Variants in TMEM81 observed in about 807,000 individuals in gnomAD.
TMEM81 encodes the protein transmembrane protein 81.
For synonymous variants in TMEM81, 132 were observed against 119.1 expected (o/e 1.11, Z -0.71); for missense variants, 294 against 300.5 (o/e 0.98, Z 0.16).
In TMEM81 at chr1:205,083,512, G is replaced by A; in HGVS notation, c.*41C>T. On this transcript the variant is annotated 3_prime_UTR_variant, in exon 1 of 1. Transcript: ENST00000367167. Reference sequence around the variant, plus strand: ...AAAAGCTAGCTTGGCTTCCTGGGCAGCCAGTTCTTCAGGAGCAAGGCTGTT... The same window carrying A: ...AAAAGCTAGCTTGGCTTCCTGGGCAACCAGTTCTTCAGGAGCAAGGCTGTT... The A allele has an allele frequency of 6.5e-7, 1 of 1,550,198 alleles. No homozygotes were observed. Among genetic ancestry groups the A allele is most frequent in the East Asian group, 2.3e-5 (1 of 44,312 alleles).
chr1:205,084,048 A>G lies in TMEM81; in HGVS notation c.273T>C (p.His91=). ...CLTNWICGML[H]FTILIGKEFE... is the part of the protein sequence containing the mutation. The stretch of plus-strand genomic sequence containing the variant: ...ATTCCTTGCCAATGAGAATGGTGAA[A>G]TGGAGCATCCCACAGATCCAGTTGG... Residue 91 remains histidine, a synonymous_variant, in exon 1 of 1, where the codon CAT becomes CAC. Coordinates refer to ENST00000367167, the MANE Select transcript of TMEM81 (RefSeq NM_203376.2). 6.2e-7 allele frequency: 1 copy of G among 1,614,210 alleles called. No individual in the cohort carries two copies. The highest frequency in any genetic ancestry group is 1.7e-5 in the Admixed American group (1 of 60,020).
chr1:205,083,874 ATATT>A lies in TMEM81; in HGVS notation c.443_446del (p.Lys148MetfsTer17). The A allele has an allele frequency of 1.9e-6, 3 of 1,614,222 alleles. No individual in the cohort carries two copies. The highest frequency in any genetic ancestry group is 2.5e-6 in the Non-Finnish European group (3 of 1,180,044). On this transcript the variant is annotated frameshift_variant, in exon 1 of 1. Coordinates refer to ENST00000367167, the MANE Select transcript of TMEM81 (RefSeq NM_203376.2). LOFTEE classifies it low-confidence loss of function (END_TRUNC). ...ATGTCCCAGAGTCATACTCCTGAGC[ATATT>A]TAAACTTCACAAAGTGGGAGTTGGC...
rs1458373798 is a variant in TMEM81, at chr1:205,083,353, T to C, written c.*200A>G. 7.1e-6 allele frequency: 4 copies of C among 563,448 alleles called. No individual in the cohort carries two copies. In the East Asian group the frequency reaches 8.8e-5, roughly 12 times the overall value. 34.9% of individuals were successfully genotyped at this position (563,448 alleles called of 1,614,324 possible). A position where few individuals can be genotyped will look rare whatever the true frequency, so the allele number is the denominator to read the frequency against. On this transcript the variant is annotated 3_prime_UTR_variant, in exon 1 of 1. Transcript: ENST00000367167. ...GCAGGGAAGATCAGGAAGAGATCCA[T>C]GGGACATAAGGAAGTTAGGTTACTG...
Position 205,084,285 on chromosome 1 carries a change from G to T in TMEM81, c.36C>A (p.Ser12Arg). The T allele has an allele frequency of 1.2e-6, 2 of 1,613,932 alleles. No homozygotes were observed. Among genetic ancestry groups the T allele is most frequent in the East Asian group, 2.2e-5 (1 of 44,862 alleles). Residue 12 changes from serine to arginine, a missense_variant, in exon 1 of 1, where the codon AGC (serine) becomes AGA (arginine). By Grantham distance (110) the Ser-to-Arg change is moderately radical. Transcript: ENST00000367167. ...AAGGCAGGTAGAAGGCCAACCCCAG[G>T]CTCCCAAGGACAAAACTAGTGGCTA... ...KVLATSFVLGSLGLAFYLPLV... is the reference protein window; with the variant it reads ...KVLATSFVLGRLGLAFYLPLV...
At position 205,083,378 on chromosome 1, in the gene TMEM81, GC is replaced by G. The variant is rs1655057590; in HGVS notation, c.*174del. On this transcript the variant is annotated 3_prime_UTR_variant, in exon 1 of 1. Coordinates refer to ENST00000367167, the MANE Select transcript of TMEM81 (RefSeq NM_203376.2). ...TGGGACATAAGGAAGTTAGGTTACT[GC>G]GCATAGCTCCCAGGAGATTGTCCCC... is the stretch of plus-strand genomic sequence containing the variant. The G allele has an allele frequency of 2.2e-5, 15 of 684,058 alleles. No homozygotes were observed. Among genetic ancestry groups the G allele is most frequent in the Non-Finnish European group, 3.3e-5 (14 of 425,178 alleles). The allele number at this position is 684,058 out of a possible 1,614,324, so 42.4% of individuals were successfully genotyped here.
At position 205,083,393 on chromosome 1, in the gene TMEM81, G is replaced by A; in HGVS notation, c.*160C>T. 1.3e-6 allele frequency: 1 copy of A among 777,116 alleles called. No homozygotes were observed. Among genetic ancestry groups the A allele is most frequent in the Non-Finnish European group, 2.0e-6 (1 of 501,108 alleles). The allele number at this position is 777,116 out of a possible 1,614,324, so 48.1% of individuals were successfully genotyped here. On this transcript the variant is annotated 3_prime_UTR_variant, in exon 1 of 1. Coordinates refer to ENST00000367167, the MANE Select transcript of TMEM81 (RefSeq NM_203376.2). ...TTAGGTTACTGCGCATAGCTCCCAG[G>A]AGATTGTCCCCTCCATTTCTCCCAC...
At position 205,083,993 on chromosome 1, in the gene TMEM81, AGAT is replaced by A; in HGVS notation, c.325_327del (p.Ile109del). ...CGGAAAGCTTCCTGTCCAAACTCCA[AGAT>A]GTCTGAACTCAGACAGCTAAGCTCA... On this transcript the variant is annotated inframe_deletion, in exon 1 of 1. Transcript: ENST00000367167. 6.2e-7 allele frequency: 1 copy of A among 1,614,206 alleles called. No homozygotes were observed. Among genetic ancestry groups the A allele is most frequent in the Non-Finnish European group, 8.5e-7 (1 of 1,180,032 alleles).
At position 205,083,590 on chromosome 1, in the gene TMEM81, A is replaced by G. The variant is rs771134021; in HGVS notation, c.731T>C (p.Ile244Thr). ...IGVVGGVLVR[I>T]VLCALRGGLQ... Reference sequence around the variant, plus strand: ...GCCCCCCCTTAGCGCACAGAGGACAATCCTCACCAACACGCCACCAACCAC... The same window carrying G: ...GCCCCCCCTTAGCGCACAGAGGACAGTCCTCACCAACACGCCACCAACCAC... Residue 244 changes from isoleucine to threonine, a missense_variant, in exon 1 of 1, where the codon ATT becomes ACT. By Grantham distance (89) the Ile-to-Thr change is moderately conservative. Coordinates refer to ENST00000367167, the MANE Select transcript of TMEM81 (RefSeq NM_203376.2). The G allele has an allele frequency of 6.2e-7, 1 of 1,613,926 alleles. No homozygotes were observed. Among genetic ancestry groups the G allele is most frequent in the Non-Finnish European group, 8.5e-7 (1 of 1,179,916 alleles).
At position 205,083,793 on chromosome 1, in the gene TMEM81, A is replaced by C. The variant is rs775848127; in HGVS notation, c.528T>G (p.Phe176Leu). ...KNLRLVKRLY[F>L]GLRVLPPNLV... ...AGTTAGGAGGAAGGACCCTCAACCC[A>C]AAATAGAGCCTCTTGACGAGTCTCA... The change falls in exon 1 of 1, where the codon TTT (phenylalanine) becomes TTG (leucine). Residue 176 changes from phenylalanine to leucine, a missense_variant. By Grantham distance (22) the Phe-to-Leu change is conservative. Transcript: ENST00000367167. 1.2e-6 allele frequency: 2 copies of C among 1,614,230 alleles called. No homozygotes were observed. The highest frequency in any genetic ancestry group is 1.1e-5 in the South Asian group (1 of 91,088).
Position 205,083,859 on chromosome 1 carries a change from G to A in TMEM81, c.462C>T (p.Asp154=), listed in dbSNP as rs1352601403. Residue 154 remains aspartate (D), a synonymous_variant, in exon 1 of 1, where the codon GAC becomes GAT. Transcript: ENST00000367167. ...GCACATCACAGCGATATGTCCCAGAGTCATACTCCTGAGCATATTTAAACT... is the reference window on the plus strand; with the variant it reads ...GCACATCACAGCGATATGTCCCAGAATCATACTCCTGAGCATATTTAAACT... The part of the protein sequence containing the change: ...FVKFKYAQEY[D]SGTYRCDVQL... 6.2e-7 allele frequency: 1 copy of A among 1,614,110 alleles called. No individual in the cohort carries two copies. Among genetic ancestry groups the A allele is most frequent in the Non-Finnish European group, 8.5e-7 (1 of 1,180,054 alleles).
Position 205,083,635 on chromosome 1 carries a change from C to T in TMEM81, c.686G>A (p.Gly229Glu). The T allele has an allele frequency of 6.2e-7, 1 of 1,614,242 alleles. No homozygotes were observed. Among genetic ancestry groups the T allele is most frequent in the Non-Finnish European group, 8.5e-7 (1 of 1,180,046 alleles). ...AACCACTCCAATGGCAATTCCTATTCCCAAGGCTGACGCCACCTTCTTTTT... is the reference window on the plus strand; with the variant it reads ...AACCACTCCAATGGCAATTCCTATTTCCAAGGCTGACGCCACCTTCTTTTT... ...KWKKKVASAL[G>E]IGIAIGVVGG... Residue 229 changes from glycine to glutamate, a missense_variant, in exon 1 of 1, where the codon GGA becomes GAA. Gly to Glu is a moderately conservative substitution (Grantham distance 98, BLOSUM62 -2). Coordinates refer to ENST00000367167, the MANE Select transcript of TMEM81 (RefSeq NM_203376.2).
Position 205,083,571 on chromosome 1 carries a change from C to G in TMEM81, c.750G>C (p.Arg250Ser), listed in dbSNP as rs751091550. The G allele has an allele frequency of 7.9e-5, 127 of 1,608,554 alleles. No homozygotes were observed. The highest frequency in any genetic ancestry group is 3.5e-4 in the South Asian group (32 of 90,536). ...VLVRIVLCAL[R>S]GGLQQ ...GAAGCTGTCACTGCTGCAGGCCCCC[C>G]CTTAGCGCACAGAGGACAATCCTCA... Residue 250 changes from arginine to serine, a missense_variant, in exon 1 of 1, where the codon AGG becomes AGC. Transcript: ENST00000367167.
In TMEM81 at chr1:205,084,460, C is replaced by T. The variant is rs1359590394; in HGVS notation, c.-140G>A. ...TATGATGCATGTATTGTCAATAAAA[C>T]AACACAACTTAATAAATAAAAGTCC... On this transcript the variant is annotated 5_prime_UTR_variant, in exon 1 of 1. Coordinates refer to ENST00000367167, the MANE Select transcript of TMEM81 (RefSeq NM_203376.2). 2 of 881,584 alleles carry T rather than the reference C, an allele frequency of 2.3e-6. No homozygotes were observed. Among genetic ancestry groups the T allele is most frequent in the Non-Finnish European group, 3.4e-6 (2 of 581,688 alleles). 54.6% of individuals were successfully genotyped at this position (881,584 alleles called of 1,614,324 possible). A position where few individuals can be genotyped will look rare whatever the true frequency, so the allele number is the denominator to read the frequency against.
rs1655078364 is a variant in TMEM81, at chr1:205,084,268, T to C, written c.53A>G (p.Tyr18Cys). The C allele has an allele frequency of 3.1e-6, 5 of 1,613,858 alleles. No homozygotes were observed. Among genetic ancestry groups the C allele is most frequent in the South Asian group, 1.1e-5 (1 of 91,066 alleles). The change falls in exon 1 of 1, where the codon TAC becomes TGC. Residue 18 changes from tyrosine (Y) to cysteine (C), a missense_variant. Coordinates refer to ENST00000367167, the MANE Select transcript of TMEM81 (RefSeq NM_203376.2). ...FVLGSLGLAF[Y>C]LPLVVTTPKT... ...AGGTGTAGTCACCACCAAAGGCAGG[T>C]AGAAGGCCAACCCCAGGCTCCCAAG...
chr1:205,083,932 G>A lies in TMEM81; in HGVS notation c.389C>T (p.Thr130Ile). 6.2e-7 allele frequency: 1 copy of A among 1,614,216 alleles called. No individual in the cohort carries two copies. The highest frequency in any genetic ancestry group is 8.5e-7 in the Non-Finnish European group (1 of 1,180,048). ...AAAGGGTTTGAAGACCTCATCGTCA[G>A]TGGAGATGACACCTCGAGCAAGTCT... ...TWRLARGVIS[T>I]DDEVFKPFQA... is the part of the protein sequence containing the mutation. Residue 130 changes from threonine (T) to isoleucine (I), a missense_variant, in exon 1 of 1, where the codon ACT (threonine) becomes ATT (isoleucine). Coordinates refer to ENST00000367167, the MANE Select transcript of TMEM81 (RefSeq NM_203376.2).
In TMEM81 at chr1:205,083,835, C is replaced by A. The variant is rs752564624; in HGVS notation, c.486G>T (p.Val162=). ...EYDSGTYRCD[V]QLVKNLRLVK... ...CGAGTCTCAAGTTTTTTACCAGCTG[C>A]ACATCACAGCGATATGTCCCAGAGT... Residue 162 remains valine, a synonymous_variant, in exon 1 of 1, where the codon GTG becomes GTT. Coordinates refer to ENST00000367167, the MANE Select transcript of TMEM81 (RefSeq NM_203376.2). 4 of 1,614,058 alleles carry A rather than the reference C, an allele frequency of 2.5e-6. No homozygotes were observed. Among genetic ancestry groups the A allele is most frequent in the Admixed American group, 1.7e-5 (1 of 60,000 alleles).
At position 205,083,572 on chromosome 1, in the gene TMEM81, C is replaced by T; in HGVS notation, c.749G>A (p.Arg250Lys). ...AAGCTGTCACTGCTGCAGGCCCCCC[C>T]TTAGCGCACAGAGGACAATCCTCAC... ...VLVRIVLCAL[R>K]GGLQQ The change falls in exon 1 of 1, where the codon AGG becomes AAG. Residue 250 changes from arginine to lysine, a missense_variant. Coordinates refer to ENST00000367167, the MANE Select transcript of TMEM81 (RefSeq NM_203376.2). The T allele has an allele frequency of 1.2e-6, 2 of 1,609,916 alleles. No individual in the cohort carries two copies. The highest frequency in any genetic ancestry group is 3.3e-5 in the Admixed American group (2 of 59,860).
chr1:205,083,280 C>A lies in TMEM81; in HGVS notation c.*273G>T. On this transcript the variant is annotated 3_prime_UTR_variant, in exon 1 of 1. Transcript: ENST00000367167. Reference sequence around the variant, plus strand: ...AAATGAATGCAAGCTTCTTAGAACTCTTCCCAGGAACACAGGCAATGCTTG... The same window carrying A: ...AAATGAATGCAAGCTTCTTAGAACTATTCCCAGGAACACAGGCAATGCTTG... The A allele has an allele frequency of 4.6e-6, 2 of 432,438 alleles. No individual in the cohort carries two copies. Among genetic ancestry groups the A allele is most frequent in the Non-Finnish European group, 8.2e-6 (2 of 244,592 alleles). The allele number at this position is 432,438 out of a possible 1,614,324, so 26.8% of individuals were successfully genotyped here.
In TMEM81 at chr1:205,084,014, T is replaced by A; in HGVS notation, c.307A>T (p.Ser103Cys). The A allele has an allele frequency of 1.2e-6, 2 of 1,614,214 alleles. No homozygotes were observed. The highest frequency in any genetic ancestry group is 1.7e-6 in the Non-Finnish European group (2 of 1,180,034). The change falls in exon 1 of 1, where the codon AGC becomes TGC. Residue 103 changes from serine (S) to cysteine (C), a missense_variant. Transcript: ENST00000367167. The part of the protein sequence containing the change: ...TILIGKEFEL[S>C]CLSSDILEFG... ...TCCAAGATGTCTGAACTCAGACAGC[T>A]AAGCTCAAATTCCTTGCCAATGAGA...
Sources: allele counts gnomAD v4.1 joint callset, GRCh38; gene constraint gnomAD v4.1.1; transcripts MANE v1.5; gene names NCBI Gene and HGNC (gene_info 2026-07-23, HGNC 2026-07-21).